HSCB: variants seen among roughly 807,000 people sequenced by gnomAD.
The protein encoded by HSCB is iron-sulfur cluster co-chaperone protein HscB.
In HSCB, 23 loss-of-function variants were observed where a neutral mutation model predicts 31.3. The ratio of observed to expected loss-of-function variants is 0.74; its 90% CI spans 0.53 to 1.04. The LOEUF (loss-of-function observed/expected upper bound fraction) is 1.04. Among genes scored for constraint, HSCB ranks in the 50% least tolerant of loss-of-function variants. The probability of loss-of-function intolerance (pLI) is 0.00; values close to 1 mark genes in which losing one functional copy is unlikely to be tolerated. For missense variants in HSCB, 297 were observed against 288.1 expected (o/e 1.03, Z -0.22); for synonymous variants, 110 against 104.5 (o/e 1.05, Z -0.32).
intron 1 of HSCB, 32 bp downstream of exon 1, chr22:28,742,363 G>A (rs780031826): frequency 5.4e-5 from 87 of 1,605,494 alleles, no homozygotes; most frequent in Non-Finnish European, 7.3e-5. Flanking sequence ...AACGGGCCCG[G>A]GCGAGAGACA....
intron 4 of HSCB, among the ~76,000 whole-genome samples, chr22:28,746,688 T>C (rs377459734): frequency 2.0e-5 from 3 of 151,290 alleles, no homozygotes; most frequent in African/African-American, 7.3e-5. Flanking sequence ...TCACCTGAGG[T>C]TGGGAGTTCG....
chr22:28,754,799 AT>A (rs34393370), intron 5 of HSCB, among the ~76,000 whole-genome samples: 71,420 of 146,124 alleles, frequency 0.49, 17,601 homozygotes, highest in East Asian at 0.74. Context: ...TACCAACTTA[AT>A]TTTTTTTTTT....
At chr22:28,756,279 C>T (rs1338857771) in intron 5 of HSCB, among the ~76,000 whole-genome samples, 2 of 151,400 alleles carry the variant, frequency 1.3e-5, no homozygotes, top group Non-Finnish European at 1.5e-5. Flanking sequence ...AATCACCGGT[C>T]TAAAGGTGTC....
intron 2 of HSCB, among the ~76,000 whole-genome samples, chr22:28,744,231 C>A (rs2054644636): frequency 1.3e-5 from 2 of 152,228 alleles, no homozygotes; most frequent in Admixed American, 6.5e-5. Context: ...TAACCACTTC[C>A]TTAGGTGCCT....
At chr22:28,743,665 C>T (rs1050737601) in intron 1 of HSCB, among the ~76,000 whole-genome samples, 1 of 152,172 alleles carries the variant, frequency 6.6e-6, no homozygotes, top group Admixed American at 6.5e-5. Flanking sequence ...TTTGATTACT[C>T]ATCATCATTC....
intron 4 of HSCB, 84 bp from the exon 5 acceptor site, chr22:28,751,157 A>G (rs1402482966): frequency 4.9e-6 from 4 of 820,826 alleles, no homozygotes; most frequent in Non-Finnish European, 8.0e-6. Flanking sequence ...TGTTCAAACC[A>G]GCATGATTAC....
chr22:28,748,499 A>G (rs1019878013), intron 4 of HSCB, among the ~76,000 whole-genome samples: 10 of 150,760 alleles, frequency 6.6e-5, no homozygotes, highest in African/African-American at 2.2e-4. Flanking sequence ...TTGAAACCCA[A>G]GCGTTTTTTT....
chr22:28,745,771 A>G (rs566673983), intron 3 of HSCB, 93 bp from the exon 4 acceptor site: 5 of 1,048,826 alleles, frequency 4.8e-6, no homozygotes, highest in East Asian at 5.0e-5. Flanking sequence ...AGTTTTCTCT[A>G]TTAGTGGTAT....
intron 2 of HSCB, 43 bp downstream of exon 2, chr22:28,744,021 A>G (rs2054641552): frequency 7.3e-7 from 1 of 1,378,866 alleles, no homozygotes; most frequent in African/African-American, 1.4e-5. Context: ...ATATGTGTGC[A>G]CACTGGGTGG....
At chr22:28,755,210 AC>A (rs1354242774) in intron 5 of HSCB, among the ~76,000 whole-genome samples, 1 of 150,710 alleles carries the variant, frequency 6.6e-6, no homozygotes, top group African/African-American at 2.4e-5. Context: ...GGAGATGGAG[AC>A]CATCCTGGCT....
intron 5 of HSCB, among the ~76,000 whole-genome samples, chr22:28,752,062 G>A (rs1047834546): frequency 6.6e-6 from 1 of 151,906 alleles, no homozygotes; most frequent in African/African-American, 2.4e-5. Flanking sequence ...CTGCACTCCA[G>A]CCTGGGCAAC....
chr22:28,748,438 C>T (rs1278904174), intron 4 of HSCB, among the ~76,000 whole-genome samples: 1 of 152,164 alleles, frequency 6.6e-6, no homozygotes, highest in Non-Finnish European at 1.5e-5. Context: ...CTGGTCTGTC[C>T]GTACCTTCAG....
intron 1 of HSCB, chr22:28,742,619 T>TTTGAGGGGAGGGAGAG: frequency 2.5e-6 from 1 of 400,722 alleles, no homozygotes; most frequent in South Asian, 4.0e-5. Flanking sequence ...GGGAGGGAGA[T>TTTGAGGGGAGGGAGAG]TTGAGGGGCG....
At chr22:28,756,795 C>T (rs1431908903) in intron 5 of HSCB, among the ~76,000 whole-genome samples, 1 of 152,072 alleles carries the variant, frequency 6.6e-6, no homozygotes, top group Non-Finnish European at 1.5e-5. Context: ...CATCTAGCTT[C>T]CACCACCCAT....
At position 28,742,058 on chromosome 22, in the gene HSCB, C is replaced by A; in HGVS notation, c.-38C>A. On this transcript the variant is annotated 5_prime_UTR_variant, in exon 1 of 6. Transcript: ENST00000216027. ...CTGGTTAGACGCTCTCTTTGCTTTT[C>A]CCCACGAGTGACCACGGCTAGATAG... 1 of 1,574,116 alleles carries A rather than the reference C, an allele frequency of 6.4e-7. No individual in the cohort carries two copies. Among genetic ancestry groups the A allele is most frequent in the Non-Finnish European group, 8.6e-7 (1 of 1,161,766 alleles).
At chr22:28,751,358 A>C in intron 5 of HSCB, 70 bp downstream of exon 5, 1 of 858,426 alleles carries the variant, frequency 1.2e-6, no homozygotes, top group East Asian at 2.6e-5. Context: ...CCATTCATTC[A>C]ATAACTAGCT....
At chr22:28,746,996 A>G (rs1350737560) in intron 4 of HSCB, among the ~76,000 whole-genome samples, 3 of 151,916 alleles carry the variant, frequency 2.0e-5, no homozygotes, top group Admixed American at 1.3e-4. Flanking sequence ...CCCAGGAGGC[A>G]GAGGTTGCAG....
chr22:28,753,482 C>T (rs899356219), intron 5 of HSCB, among the ~76,000 whole-genome samples: 3 of 149,620 alleles, frequency 2.0e-5, no homozygotes, highest in African/African-American at 7.4e-5. Context: ...GAGCTGAGAT[C>T]GCACCATTGC....
Position 28,744,666 on chromosome 22 carries a change from A to G in HSCB, c.385A>G (p.Lys129Glu). The G allele has an allele frequency of 6.2e-7, 1 of 1,614,084 alleles. No individual in the cohort carries two copies. Among genetic ancestry groups the G allele is most frequent in the Non-Finnish European group, 8.5e-7 (1 of 1,179,906 alleles). The change falls in exon 3 of 6, where the codon AAG becomes GAG. Residue 129 changes from lysine (K) to glutamate (E), a missense_variant. By Grantham distance (56) the Lys-to-Glu change is moderately conservative. Coordinates refer to ENST00000216027, the MANE Select transcript of HSCB (RefSeq NM_172002.5). ...TTCGACCCTGGTGAATGATGCCTAT[A>G]AGACCCTCCTGGCCCCCCTGAGCAG... ...KHSTLVNDAYKTLLAPLSRGL... is the reference protein window; with the variant it reads ...KHSTLVNDAYETLLAPLSRGL...
Sources: gnomAD v4.1 joint callset for allele counts (sites outside exome capture counted in the v4.1 genomes callset) on GRCh38, gnomAD v4.1.1 for gene constraint, MANE v1.5 for transcripts, NCBI Gene and HGNC (gene_info 2026-07-23, HGNC 2026-07-21) for gene names.